XPO1: variants seen among roughly 807,000 people sequenced by gnomAD.
The protein encoded by XPO1 is exportin-1.
XPO1 carries 5 observed loss-of-function variants against 133.3 expected under a neutral mutation model. The observed-to-expected ratio is 0.04, with a 90% CI of 0.02 to 0.08. The LOEUF (loss-of-function observed/expected upper bound fraction) is 0.08, where lower values mean the gene tolerates loss of function less well. XPO1 is among the 10% of genes least tolerant of loss of function. The pLI is 1.00. For synonymous variants in XPO1, 419 were observed against 408.2 expected, an observed-to-expected ratio of 1.03 and a Z score of -0.32; for missense variants, 506 against 1,267.5, an observed-to-expected ratio of 0.40 and a Z score of 9.12.
At chr2:61,515,987 G>A (rs554502984) in intron 4 of XPO1, among the ~76,000 whole-genome samples, 2 of 145,834 alleles carry the variant, frequency 1.4e-5, no homozygotes, top group Non-Finnish European at 1.5e-5. Context: ...TTAGCCAGAC[G>A]TGGTAGCAGG....
Position 61,492,835 on chromosome 2 carries a change from T to C in XPO1, c.1384+80A>G. ...ATACATTTAGAAAATATTTAGAAAC[T>C]ACAAGTACATTTCCTAAAATGTATT... On this transcript the variant is annotated intron_variant, in intron 13 of 24. Transcript: ENST00000401558. The surrounding 1 kb of genome is among the most constrained non-coding windows in gnomAD (Gnocchi z 5.6). 1 of 1,558,138 alleles carries C rather than the reference T, an allele frequency of 6.4e-7. No homozygotes were observed. The highest frequency in any genetic ancestry group is 8.7e-7 in the Non-Finnish European group (1 of 1,150,536).
intron 10 of XPO1, 108 bp downstream of exon 10, chr2:61,496,771 G>T (rs976621187): frequency 2.6e-5 from 32 of 1,231,014 alleles, no homozygotes; most frequent in Admixed American, 7.7e-5. Flanking sequence ...ATAAACAAAA[G>T]ATTATGGCTT....
At chr2:61,512,404 A>T (rs1053217386) in intron 4 of XPO1, among the ~76,000 whole-genome samples, 1 of 152,208 alleles carries the variant, frequency 6.6e-6, no homozygotes, top group Non-Finnish European at 1.5e-5. Context: ...TGAAAAGACT[A>T]AACACCACAC....
chr2:61,524,020 C>T (rs1399963551), intron 3 of XPO1, among the ~76,000 whole-genome samples: 2 of 152,140 alleles, frequency 1.3e-5, no homozygotes, highest in African/African-American at 4.8e-5. Flanking sequence ...CTTTTAAAAA[C>T]ATATCTATTT....
intron 2 of XPO1, 79 bp downstream of exon 2, chr2:61,533,692 GA>G: frequency 1.1e-5 from 15 of 1,325,310 alleles, no homozygotes; most frequent in Non-Finnish European, 1.4e-5. Context: ...TTTTAAAGGT[GA>G]TAATTTAAAA....
chr2:61,511,193 G>A (rs532451045), intron 4 of XPO1, among the ~76,000 whole-genome samples: 5 of 150,560 alleles, frequency 3.3e-5, no homozygotes, highest in South Asian at 2.1e-4. Context: ...GCGCAATCTC[G>A]GCTCACTGCA....
chr2:61,519,310 A>AT (rs1203924942), intron 4 of XPO1, among the ~76,000 whole-genome samples: 1 of 152,156 alleles, frequency 6.6e-6, no homozygotes, highest in East Asian at 1.9e-4. Flanking sequence ...ACAGTAACGT[A>AT]TAACACAGCA....
At chr2:61,484,876 A>C (rs113646072) in intron 20 of XPO1, 3,909 of 152,654 alleles carry the variant, frequency 0.026, 74 homozygotes, top group Non-Finnish European at 0.039. Flanking sequence ...TCGGCCTCCC[A>C]AAGTGCTGGG....
chr2:61,516,129 A>C (rs546826791), intron 4 of XPO1, among the ~76,000 whole-genome samples: 1 of 146,236 alleles, frequency 6.8e-6, no homozygotes, highest in South Asian at 2.2e-4. Flanking sequence ...CCGTCGCAAA[A>C]TTAAAAAAAA....
In XPO1 at chr2:61,490,607, C is replaced by T. The variant is rs760090107; in HGVS notation, c.2022+35G>A. ...GTAAAGAACACGTCTTGTTAAATCC[C>T]ATGAAAACTTTTAAGAAAAGGTAGA... On this transcript the variant is annotated intron_variant, in intron 17 of 24. Transcript: ENST00000401558. 13 of 1,613,244 alleles carry T rather than the reference C, an allele frequency of 8.1e-6. No homozygotes were observed. In the South Asian group the frequency reaches 1.4e-4, roughly 18 times the overall value.
intron 4 of XPO1, among the ~76,000 whole-genome samples, chr2:61,515,489 T>C (rs998941907): frequency 2.6e-5 from 4 of 152,174 alleles, no homozygotes; most frequent in Non-Finnish European, 4.4e-5. Context: ...GACTGGTATA[T>C]GGCAATTTGG....
intron 23 of XPO1, 91 bp from the exon 24 acceptor site, chr2:61,481,372 G>C: frequency 1.2e-6 from 1 of 856,862 alleles, no homozygotes; most frequent in African/African-American, 1.8e-5. Context: ...ACAGTGGCAT[G>C]ATCTCTGCTC....
In XPO1 at chr2:61,482,335, G is replaced by A. The variant is rs371080852; in HGVS notation, c.2972+45C>T. On this transcript the variant is annotated intron_variant, in intron 23 of 24. Coordinates refer to ENST00000401558, the MANE Select transcript of XPO1 (RefSeq NM_003400.4). ...GCTGGGATTACAGGTGTGAGCCACT[G>A]TGCCCGACCAGGAACATTCTACGTT... 22 of 1,538,454 alleles carry A rather than the reference G, an allele frequency of 1.4e-5. 1 individual carries two copies. Among genetic ancestry groups the A allele is most frequent in the South Asian group, 2.5e-5 (2 of 79,416 alleles).
rs1421610936 is a variant in XPO1 at position 61,492,242 on chromosome 2, C to T, written c.1724-44G>A. On this transcript the variant is annotated intron_variant, in intron 15 of 24. Transcript: ENST00000401558. This position sits in a 1 kb window ranked among gnomAD's most constrained non-coding sequence, Gnocchi z 5.6. ...TCATTTATTTTGTCCTGGACTCCATCATGGGTCTCTAACAAGACAAAAACA... is the reference window on the plus strand; with the variant it reads ...TCATTTATTTTGTCCTGGACTCCATTATGGGTCTCTAACAAGACAAAAACA... The T allele has an allele frequency of 1.2e-6, 2 of 1,603,384 alleles. No individual in the cohort carries two copies. Among genetic ancestry groups the T allele is most frequent in the Non-Finnish European group, 1.7e-6 (2 of 1,176,102 alleles).
intron 4 of XPO1, among the ~76,000 whole-genome samples, chr2:61,502,825 T>C (rs1192463891): frequency 6.6e-6 from 1 of 152,132 alleles, no homozygotes; most frequent in Non-Finnish European, 1.5e-5. Context: ...CAGGTTGGTC[T>C]TAAACTCATA....
chr2:61,519,698 C>CAA (rs753424450), intron 4 of XPO1, among the ~76,000 whole-genome samples: 1,020 of 72,216 alleles, frequency 0.014, 62 homozygotes, highest in African/African-American at 0.042. Context: ...GACTCCGTCT[C>CAA]AAAAAAAAAA....
In XPO1 at chr2:61,491,281, A is replaced by AC. The variant is rs562070809; in HGVS notation, c.1888-506_1888-505insG. On this transcript the variant is annotated intron_variant, in intron 16 of 24. Transcript: ENST00000401558. ...TTGGAGATGAGCCTGACCAACATGG[A>AC]GAAACCCCGTCTCTACTAAAAATAA... Among the ~76,000 whole-genome samples the AC allele has an allele frequency of 6.6e-5, 10 of 152,002 alleles. No individual in the cohort carries two copies. The South Asian group carries it at 2.1e-3, about 32-fold the overall frequency.
At chr2:61,522,010 A>G (rs965272643) in intron 4 of XPO1, among the ~76,000 whole-genome samples, 12 of 152,032 alleles carry the variant, frequency 7.9e-5, no homozygotes, top group African/African-American at 2.9e-4. Context: ...CTCCCACTTC[A>G]GCCTCACGAA....
intron 3 of XPO1, among the ~76,000 whole-genome samples, chr2:61,523,341 A>G (rs1457883642): frequency 6.6e-6 from 1 of 152,226 alleles, no homozygotes; most frequent in Non-Finnish European, 1.5e-5. Flanking sequence ...CCTTTCAGGT[A>G]TTTCTTCCTA....
Sources: gnomAD v4.1 joint callset for allele counts (sites outside exome capture counted in the v4.1 genomes callset) on GRCh38, gnomAD v4.1.1 for gene constraint, Gnocchi (gnomAD v3.1) non-coding constraint, MANE v1.5 for transcripts, NCBI Gene and HGNC (gene_info 2026-07-23, HGNC 2026-07-21) for gene names.